Variants in QPRT observed in about 807,000 individuals in gnomAD.
QPRT encodes quinolinate phosphoribosyltransferase.
In QPRT, 17 loss-of-function variants were observed where a neutral mutation model predicts 19.8. That is an observed-to-expected ratio of 0.86 (90% CI 0.59 to 1.29). The LOEUF is 1.29. Ranked by LOEUF, QPRT falls within the 50% of genes most tolerant of loss-of-function variation. The pLI, the probability that QPRT is intolerant of heterozygous loss-of-function variation, is 0.00. For missense variants in QPRT, 336 were observed against 405.1 expected (o/e 0.83, Z 1.46); for synonymous variants, 178 against 191.0 (o/e 0.93, Z 0.56).
intron 1 of QPRT, among the ~76,000 whole-genome samples, chr16:29,681,249 TC>T (rs1318828037): frequency 2.0e-5 from 3 of 152,108 alleles, no homozygotes; most frequent in African/African-American, 7.2e-5. Context: ...CGTTTCCACA[TC>T]TGGACAATGG....
chr16:29,684,711 TCTC>T (rs1967111923), intron 1 of QPRT, among the ~76,000 whole-genome samples: 3 of 152,136 alleles, frequency 2.0e-5, no homozygotes, highest in South Asian at 4.2e-4. Context: ...ACCATCCACA[TCTC>T]CTGCTGCCGC....
At chr16:29,684,598 C>T (rs1012742291) in intron 1 of QPRT, among the ~76,000 whole-genome samples, 3 of 152,150 alleles carry the variant, frequency 2.0e-5, no homozygotes, top group East Asian at 1.9e-4. Context: ...CCTCCCGCCT[C>T]GGCCTCCCAA....
rs574124872 is a variant in QPRT, at chr16:29,679,331, C to T, written c.13+121C>T. 6.0e-5 allele frequency: 41 copies of T among 682,034 alleles called. No homozygotes were observed. The South Asian group carries it at 7.2e-4, about 12-fold the overall frequency. 42.2% of individuals were successfully genotyped at this position (682,034 alleles called of 1,614,324 possible). A position where few individuals can be genotyped will look rare whatever the true frequency, so the allele number is the denominator to read the frequency against. ...TCTGGAGTCATCTCTCCTCTGGTCC[C>T]GCCATCGACTCCCTTACCTACCCCA... is the stretch of plus-strand genomic sequence containing the variant. On this transcript the variant is annotated intron_variant, in intron 1 of 3. Coordinates refer to ENST00000395384, the MANE Select transcript of QPRT (RefSeq NM_014298.6).
chr16:29,693,045 G>A (rs1451247236), intron 1 of QPRT, among the ~76,000 whole-genome samples: 2 of 147,110 alleles, frequency 1.4e-5, no homozygotes, highest in African/African-American at 5.0e-5. Flanking sequence ...TGGGCAACAA[G>A]AGTGAGATTC....
intron 1 of QPRT, among the ~76,000 whole-genome samples, chr16:29,687,890 G>A (rs1436883824): frequency 6.6e-6 from 1 of 151,772 alleles, no homozygotes; most frequent in Non-Finnish European, 1.5e-5. Flanking sequence ...GCTGAGGTGA[G>A]AGGACCACAT....
intron 1 of QPRT, among the ~76,000 whole-genome samples, chr16:29,692,801 C>T (rs1423862195): frequency 6.6e-6 from 1 of 152,280 alleles, no homozygotes; most frequent in East Asian, 1.9e-4. Context: ...CAGTGGCTCA[C>T]GCCTGTAATC....
chr16:29,681,493 CTTTTTTT>C (rs10680462), intron 1 of QPRT, among the ~76,000 whole-genome samples: 3 of 97,152 alleles, frequency 3.1e-5, no homozygotes, highest in African/African-American at 4.2e-5. Context: ...GATCCAGATT[CTTTTTTT>C]TTTTTTTTTT....
At chr16:29,679,116 A>G (rs1966912899), upstream of QPRT, 2 of 1,612,400 alleles carry the variant, frequency 1.2e-6, no homozygotes, top group Admixed American at 1.7e-5. Context: ...CCCTCCCTCC[A>G]CAGTCCCACC....
rs1415906541 is a variant in QPRT, at chr16:29,695,173, G to A, written c.523G>A (p.Val175Met). 1.8e-5 allele frequency: 28 copies of A among 1,561,374 alleles called. No homozygotes were observed. The highest frequency in any genetic ancestry group is 2.3e-5 in the Non-Finnish European group (27 of 1,152,766). Reference protein sequence around the residue: ...GGLVMVKDNHVVAAGGVEKAV... With the variant: ...GGLVMVKDNHMVAAGGVEKAV... The stretch of plus-strand genomic sequence containing the variant: ...GCTGGTGATGGTGAAGGATAACCAT[G>A]TGGTGGCCGCCGGTGGCGTGGAGAA... Residue 175 changes from valine to methionine, a missense_variant, in exon 2 of 4, where the codon GTG (valine) becomes ATG (methionine). Val to Met is a conservative substitution (Grantham distance 21). Transcript: ENST00000395384.
At position 29,694,537 on chromosome 16, in the gene QPRT, CT is replaced by C. The variant is rs1425540766; in HGVS notation, c.14-126del. ...CCCCTTCCTCACCGCAGTCCCCCCC[CT>C]GGGACCCCTAGATCTTGAGGCTGAT... is the stretch of plus-strand genomic sequence containing the variant. On this transcript the variant is annotated intron_variant, in intron 1 of 3. Transcript: ENST00000395384. 4.2e-5 allele frequency: 46 copies of C among 1,087,632 alleles called. No homozygotes were observed. In the African/African-American group the frequency reaches 6.5e-4, roughly 15 times the overall value. The allele number at this position is 1,087,632 out of a possible 1,614,324, so 67.4% of individuals were successfully genotyped here.
In QPRT at chr16:29,694,679, T is replaced by C. The variant is rs1596797468; in HGVS notation, c.29T>C (p.Leu10Pro). Residue 10 changes from leucine to proline, a missense_variant, in exon 2 of 4, where the codon CTG becomes CCG. Leu to Pro is a moderately conservative substitution (Grantham distance 98). Transcript: ENST00000395384. Reference sequence around the variant, plus strand: ...TTCCCCCCAGGCCTGGCGCTGCTGCTGCCGCCCGTCACCCTGGCAGCCCTG... The same window carrying C: ...TTCCCCCCAGGCCTGGCGCTGCTGCCGCCGCCCGTCACCCTGGCAGCCCTG... MDAEGLALL[L>P]PPVTLAALVD... 6.5e-7 allele frequency: 1 copy of C among 1,545,712 alleles called. No homozygotes were observed. The highest frequency in any genetic ancestry group is 1.2e-5 in the South Asian group (1 of 80,062).
chr16:29,692,837 C>T (rs1388901473), intron 1 of QPRT, among the ~76,000 whole-genome samples: 1 of 152,074 alleles, frequency 6.6e-6, no homozygotes, highest in Non-Finnish European at 1.5e-5. Flanking sequence ...CGGAGGCGGG[C>T]GAATCACGAG....
At chr16:29,679,242 C>T in intron 1 of QPRT, 32 bp downstream of exon 1, 1 of 1,550,262 alleles carries the variant, frequency 6.5e-7, no homozygotes, top group Non-Finnish European at 8.9e-7. Context: ...CATGTCCCTG[C>T]ACCCATCCCC....
intron 1 of QPRT, among the ~76,000 whole-genome samples, chr16:29,687,549 G>T (rs2142302059): frequency 6.6e-6 from 1 of 152,194 alleles, no homozygotes. Flanking sequence ...TGACAATAAT[G>T]ACCTCCTCGT....
chr16:29,696,948 C>T, intron 2 of QPRT, 48 bp from the exon 3 acceptor site: 2 of 1,529,374 alleles, frequency 1.3e-6, no homozygotes, highest in South Asian at 1.2e-5. Flanking sequence ...GCCCCAGTGC[C>T]AGGTGCTGGG....
Position 29,697,993 on chromosome 16 carries a change from A to T in QPRT, c.*582A>T, listed in dbSNP as rs749041883. The T allele has an allele frequency of 6.6e-6, 1 of 151,546 alleles. No individual in the cohort carries two copies. Among genetic ancestry groups the T allele is most frequent in the Non-Finnish European group, 1.5e-5 (1 of 67,892 alleles). 9.4% of individuals were successfully genotyped at this position (151,546 alleles called of 1,614,324 possible). On this transcript the variant is annotated 3_prime_UTR_variant, in exon 4 of 4. Transcript: ENST00000395384. The surrounding 1 kb of genome is among the most constrained non-coding windows in gnomAD (Gnocchi z 4.4). ...AGCGAGACTCTGTCTCCAAAGAAGA[A>T]ACAAAGGAAAGAAAGAGAGAAAGAG...
At chr16:29,685,603 C>A (rs1967136952) in intron 1 of QPRT, among the ~76,000 whole-genome samples, 1 of 152,164 alleles carries the variant, frequency 6.6e-6, no homozygotes, top group South Asian at 2.1e-4. Flanking sequence ...TTTTGTCTGG[C>A]CAAGACTACC....
rs1267778902 is a variant in QPRT, at chr16:29,679,959, C to CTTT, written c.13+765_13+767dup. ...GCATATGTCTAACTACTAAGATAATCTTTTTTTTTTTTTTTTTTGAGACGG... is the reference window on the plus strand; with the variant it reads ...GCATATGTCTAACTACTAAGATAATCTTTTTTTTTTTTTTTTTTTTTGAGACGG... On this transcript the variant is annotated intron_variant, in intron 1 of 3. Coordinates refer to ENST00000395384, the MANE Select transcript of QPRT (RefSeq NM_014298.6). Among the ~76,000 whole-genome samples, 277 of 134,470 alleles carry CTTT rather than the reference C, an allele frequency of 2.1e-3. 2 individuals carry two copies. The highest frequency in any genetic ancestry group is 7.5e-3 in the African/African-American group (265 of 35,490). 88.2% of individuals were successfully genotyped at this position (134,470 alleles called of 152,430 possible).
At position 29,697,368 on chromosome 16, in the gene QPRT, A is replaced by G. The variant is rs1340775323; in HGVS notation, c.851A>G (p.Lys284Arg). The G allele has an allele frequency of 1.2e-6, 2 of 1,613,920 alleles. No homozygotes were observed. Among genetic ancestry groups the G allele is most frequent in the South Asian group, 2.2e-5 (2 of 91,088 alleles). ...GCCCCAGCCCTTGATTTCTCCCTCA[A>G]GCTGTTTGCCAAAGAGGTGGCTCCA... ...QAAPALDFSLKLFAKEVAPVP... is the reference protein window; with the variant it reads ...QAAPALDFSLRLFAKEVAPVP... The change falls in exon 4 of 4, where the codon AAG becomes AGG. Residue 284 changes from lysine (K) to arginine (R), a missense_variant. Physicochemically the swap from Lys to Arg is conservative, Grantham distance 26. Coordinates refer to ENST00000395384, the MANE Select transcript of QPRT (RefSeq NM_014298.6). This position sits in a 1 kb window ranked among gnomAD's most constrained non-coding sequence, Gnocchi z 4.4.
Sources: allele counts gnomAD v4.1 joint callset (sites outside exome capture counted in the v4.1 genomes callset), GRCh38; gene constraint gnomAD v4.1.1; non-coding constraint Gnocchi (gnomAD v3.1); transcripts MANE v1.5; gene names NCBI Gene and HGNC (gene_info 2026-07-23, HGNC 2026-07-21).